Variants in PTBP1 observed in about 807,000 individuals in gnomAD.
The protein encoded by PTBP1 is polypyrimidine tract-binding protein 1.
A neutral mutation model predicts 59.8 loss-of-function variants in PTBP1; 8 were observed. That is an observed-to-expected ratio of 0.13 (90% CI 0.08 to 0.24). The LOEUF (loss-of-function observed/expected upper bound fraction) is 0.24, where lower values mean the gene tolerates loss of function less well. Ranked by LOEUF, PTBP1 falls within the 10% of genes least tolerant of loss-of-function variation. The pLI is 1.00. For missense variants in PTBP1, 686 were observed against 767.0 expected (o/e 0.89, Z 1.25); for synonymous variants, 490 against 320.7 (o/e 1.53, Z -5.64).
intron 2 of PTBP1, among the ~76,000 whole-genome samples, chr19:800,921 G>A (rs2034304307): frequency 6.6e-6 from 1 of 152,126 alleles, no homozygotes; most frequent in African/African-American, 2.4e-5. Flanking sequence ...TGAAGCCTGC[G>A]GGAGGGATTT....
rs748851847 is a variant in PTBP1 at position 808,138 on chromosome 19, C to T, written c.1154-222C>T. 27 of 628,848 alleles carry T rather than the reference C, an allele frequency of 4.3e-5. No homozygotes were observed. Among genetic ancestry groups the T allele is most frequent in the Non-Finnish European group, 6.8e-5 (24 of 351,768 alleles). The allele number at this position is 628,848 out of a possible 1,614,324, so 39.0% of individuals were successfully genotyped here. ...TGTCGGTGGCATATGCCACCGTGGC[C>T]ACCCGCTGGCAGCTTACCTGTCCTG... On this transcript the variant is annotated intron_variant, in intron 11 of 14. Transcript: ENST00000356948. This position sits in a 1 kb window ranked among gnomAD's most constrained non-coding sequence, Gnocchi z 4.7.
intron 7 of PTBP1, 25 bp from the exon 8 acceptor site, chr19:804,988 C>A: frequency 1.2e-6 from 2 of 1,612,466 alleles, no homozygotes; most frequent in Non-Finnish European, 1.7e-6. Flanking sequence ...GGCCCGGCGA[C>A]GTCTCACGGT....
chr19:799,616 G>A (rs2034243035), intron 2 of PTBP1, among the ~76,000 whole-genome samples, 173 bp downstream of exon 2: 1 of 152,256 alleles, frequency 6.6e-6, no homozygotes, highest in South Asian at 2.1e-4. Flanking sequence ...CCGGGCTCCA[G>A]TGCCCGTGAG....
At chr19:798,166 C>T (rs939570720) in intron 1 of PTBP1, among the ~76,000 whole-genome samples, 1 of 152,010 alleles carries the variant, frequency 6.6e-6, no homozygotes, top group Non-Finnish European at 1.5e-5. Flanking sequence ...AGCGGCCGCC[C>T]CGAGGGTCTG....
intron 1 of PTBP1, 62 bp downstream of exon 1, chr19:797,567 C>G: frequency 8.1e-7 from 1 of 1,239,734 alleles, no homozygotes; most frequent in Non-Finnish European, 1.0e-6. Context: ...GCCCCCGCCG[C>G]CGCGCCGGCC....
chr19:810,311 A>G (rs898824173), intron 13 of PTBP1, among the ~76,000 whole-genome samples: 7 of 152,060 alleles, frequency 4.6e-5, no homozygotes, highest in African/African-American at 1.7e-4. Flanking sequence ...ATCTGGAAAA[A>G]AAAAAGTGGA....
At position 803,541 on chromosome 19, in the gene PTBP1, C is replaced by T. The variant is rs1295602967; in HGVS notation, c.40-20C>T. ...TGGCCTGGTGGGAAGTGCAGCTCCG[C>T]GTTGTCCCTTCTCTTGCAGCGGGGA... On this transcript the variant is annotated intron_variant, in intron 2 of 14. Coordinates refer to ENST00000356948, the MANE Select transcript of PTBP1 (RefSeq NM_002819.5). The T allele has an allele frequency of 1.4e-5, 23 of 1,608,416 alleles. No individual in the cohort carries two copies. Among genetic ancestry groups the T allele is most frequent in the Non-Finnish European group, 1.8e-5 (21 of 1,174,912 alleles).
At position 805,030 on chromosome 19, in the gene PTBP1, C is replaced by T. The variant is rs1178817650; in HGVS notation, c.735C>T (p.Asn245=). Residue 245 remains asparagine (N), a synonymous_variant, in exon 8 of 15, where the codon AAC becomes AAT. Transcript: ENST00000356948. ...QHAKLSLDGQ[N]IYNACCTLRI... is the part of the protein sequence containing the mutation. ...CCCCTCAGTCGCTGGACGGGCAGAACATCTACAACGCCTGCTGCACGCTGC... is the reference window on the plus strand; with the variant it reads ...CCCCTCAGTCGCTGGACGGGCAGAATATCTACAACGCCTGCTGCACGCTGC... 3 of 1,613,794 alleles carry T rather than the reference C, an allele frequency of 1.9e-6. No individual in the cohort carries two copies. The highest frequency in any genetic ancestry group is 2.5e-6 in the Non-Finnish European group (3 of 1,179,832).
chr19:797,654 C>G, intron 1 of PTBP1, 149 bp downstream of exon 1: 1 of 418,680 alleles, frequency 2.4e-6, no homozygotes, highest in Non-Finnish European at 3.7e-6. Flanking sequence ...GTGGCGGGCG[C>G]GGGTGCGGGG....
rs770822180 is a variant in PTBP1, at chr19:804,181, C to CCT, written c.263_264dup (p.Leu89SerfsTer2). On this transcript the variant is annotated frameshift_variant, in exon 4 of 15. Transcript: ENST00000356948. LOFTEE classifies it high-confidence loss of function. ...GGCTGCCCTTTGGGAAGGTCACCAA[C>CCT]CTCCTGATGCTGAAGGGGAAAAACC... The CCT allele has an allele frequency of 6.2e-7, 1 of 1,608,944 alleles. No individual in the cohort carries two copies. The highest frequency in any genetic ancestry group is 1.1e-5 in the South Asian group (1 of 90,822).
At chr19:800,366 C>T (rs1035642488) in intron 2 of PTBP1, among the ~76,000 whole-genome samples, 1 of 152,046 alleles carries the variant, frequency 6.6e-6, no homozygotes, top group Non-Finnish European at 1.5e-5. Context: ...GAGGGTGAGG[C>T]CAGGGCTCAG....
At position 808,120 on chromosome 19, in the gene PTBP1, G is replaced by A; in HGVS notation, c.1153+218G>A. The A allele has an allele frequency of 1.6e-6, 1 of 631,944 alleles. No homozygotes were observed. The highest frequency in any genetic ancestry group is 2.8e-6 in the Non-Finnish European group (1 of 353,918). The allele number at this position is 631,944 out of a possible 1,614,324, so 39.1% of individuals were successfully genotyped here. A position where few individuals can be genotyped will look rare whatever the true frequency, so the allele number is the denominator to read the frequency against. Reference sequence around the variant, plus strand: ...GCTTTTCAGAGTTAGACCTGTCGGTGGCATATGCCACCGTGGCCACCCGCT... The same window carrying A: ...GCTTTTCAGAGTTAGACCTGTCGGTAGCATATGCCACCGTGGCCACCCGCT... On this transcript the variant is annotated intron_variant, in intron 11 of 14. Coordinates refer to ENST00000356948, the MANE Select transcript of PTBP1 (RefSeq NM_002819.5). This position sits in a 1 kb window ranked among gnomAD's most constrained non-coding sequence, Gnocchi z 4.7.
intron 13 of PTBP1, among the ~76,000 whole-genome samples, chr19:809,502 A>C (rs923563756): frequency 2.0e-5 from 3 of 151,502 alleles, no homozygotes; most frequent in Non-Finnish European, 2.9e-5. Flanking sequence ...TTGTATTTTT[A>C]GTGGAAACGG....
At chr19:809,140 C>T (rs1007685470) in intron 13 of PTBP1, among the ~76,000 whole-genome samples, 1 of 151,968 alleles carries the variant, frequency 6.6e-6, no homozygotes, top group Non-Finnish European at 1.5e-5. Flanking sequence ...TCCCGAGTAG[C>T]TGGGACTGTA....
chr19:805,090 C>T lies in PTBP1; in HGVS notation c.795C>T (p.Val265=). 2 of 1,613,904 alleles carry T rather than the reference C, an allele frequency of 1.2e-6. No homozygotes were observed. The highest frequency in any genetic ancestry group is 1.3e-5 in the African/African-American group (1 of 75,040). The part of the protein sequence containing the change: ...IDFSKLTSLN[V]KYNNDKSRDY... ...TTTCCAAGCTCACCAGCCTCAACGT[C>T]AAGTACAACAATGACAAGAGCCGTG... is the stretch of plus-strand genomic sequence containing the variant. The change falls in exon 8 of 15, where the codon GTC becomes GTT. Residue 265 remains valine (V), a synonymous_variant. Transcript: ENST00000356948.
rs77378093 is a variant in PTBP1, at chr19:800,518, C to A, written c.39+1075C>A. ...TGTGGGTTGAGGGGGCTCCCGACTTCAGGGCTTGTGCCCCGAGAGCCTCCC... is the reference window on the plus strand; with the variant it reads ...TGTGGGTTGAGGGGGCTCCCGACTTAAGGGCTTGTGCCCCGAGAGCCTCCC... On this transcript the variant is annotated intron_variant, in intron 2 of 14. Coordinates refer to ENST00000356948, the MANE Select transcript of PTBP1 (RefSeq NM_002819.5). Among the ~76,000 whole-genome samples, 4 of 152,256 alleles carry A rather than the reference C, an allele frequency of 2.6e-5. No homozygotes were observed. In the South Asian group the frequency reaches 6.2e-4, roughly 24 times the overall value.
At chr19:806,599 G>A (rs1185997335) in intron 10 of PTBP1, 43 bp downstream of exon 10, 2 of 1,457,652 alleles carry the variant, frequency 1.4e-6, no homozygotes, top group Non-Finnish European at 9.1e-7. Context: ...TCCCGGAAGA[G>A]CGAGCAGGGG....
In PTBP1 at chr19:804,152, C is replaced by G. The variant is rs1447440374; in HGVS notation, c.232C>G (p.Leu78Val). ...CGTCACGGAGGGGGAAGTCATCTCC[C>G]TGGGGCTGCCCTTTGGGAAGGTCAC... is the stretch of plus-strand genomic sequence containing the variant. ...IDVTEGEVISLGLPFGKVTNL... is the reference protein window; with the variant it reads ...IDVTEGEVISVGLPFGKVTNL... Residue 78 changes from leucine (L) to valine (V), a missense_variant, in exon 4 of 15, where the codon CTG (leucine) becomes GTG (valine). Transcript: ENST00000356948. 1 of 1,613,054 alleles carries G rather than the reference C, an allele frequency of 6.2e-7. No homozygotes were observed. Among genetic ancestry groups the G allele is most frequent in the African/African-American group, 1.3e-5 (1 of 74,902 alleles).
chr19:805,631 G>C lies in PTBP1; in HGVS notation c.970+62G>C, dbSNP rs377359636. 1.6e-5 allele frequency: 23 copies of C among 1,413,386 alleles called. No individual in the cohort carries two copies. In the African/African-American group the frequency reaches 2.0e-4, roughly 12 times the overall value. The allele number at this position is 1,413,386 out of a possible 1,614,324, so 87.6% of individuals were successfully genotyped here. On this transcript the variant is annotated intron_variant, in intron 9 of 14. Transcript: ENST00000356948. ...CATGCCCACACCACCTTCCCAGGCA[G>C]CTCCGCATCCACGGCGGCAGCCTGG...
Sources: allele counts gnomAD v4.1 joint callset (sites outside exome capture counted in the v4.1 genomes callset), GRCh38; gene constraint gnomAD v4.1.1; non-coding constraint Gnocchi (gnomAD v3.1); transcripts MANE v1.5; gene names NCBI Gene and HGNC (gene_info 2026-07-23, HGNC 2026-07-21).